The following UBN2 variants were observed in gnomAD, a reference collection of about 807,000 sequenced individuals.
The protein encoded by UBN2 is ubinuclein 2, also known as ubinuclein-2.
Under a neutral mutation model 120.2 loss-of-function variants are expected in UBN2, and 35 were observed. The ratio of observed to expected loss-of-function variants is 0.29; its 90% CI spans 0.22 to 0.39. The LOEUF (loss-of-function observed/expected upper bound fraction) is 0.39. Ranked by LOEUF, UBN2 falls within the 10% of genes least tolerant of loss-of-function variation. The probability of loss-of-function intolerance (pLI) is 1.00; values close to 1 mark genes in which losing one functional copy is unlikely to be tolerated. For synonymous variants in UBN2, 661 were observed against 648.7 expected (o/e 1.02, Z -0.29); for missense variants, 1,693 against 1,663.2 (o/e 1.02, Z -0.31).
At chr7:139,318,735 A>T in the UBN2 span, among the ~76,000 whole-genome samples, 1 of 152,058 alleles carries the variant, frequency 6.6e-6, no homozygotes, top group African/African-American at 2.4e-5. Flanking sequence ...AGAGGACTTG[A>T]TTTGCTTCTG....
At chr7:139,315,394 C>G in the UBN2 span, 4 of 152,210 alleles carry the variant, frequency 2.6e-5, no homozygotes, top group East Asian at 3.8e-4. Context: ...GAAGCAAGCA[C>G]TGATATAATG....
intron 1 of UBN2, 123 bp downstream of exon 1, chr7:139,232,075 C>T (rs1796036227): frequency 1.3e-5 from 11 of 877,778 alleles, no homozygotes; most frequent in Non-Finnish European, 1.8e-5. Flanking sequence ...GGGTGGGGTG[C>T]GGGGGGCCGG....
At chr7:139,277,492 A>G (rs1797480069) in intron 12 of UBN2, 1 of 152,270 alleles carries the variant, frequency 6.6e-6, no homozygotes, top group Non-Finnish European at 1.5e-5. Flanking sequence ...GAAAATCATA[A>G]GGAAGAGAAA....
In UBN2 at chr7:139,307,203, A is replaced by T. The variant is rs988974071; in HGVS notation, c.*9367A>T. Reference sequence around the variant, plus strand: ...GAGCCTAAAGAGTTGATGGTCCTCTAGGTGAAAGACAAGAATTACTGTATT... The same window carrying T: ...GAGCCTAAAGAGTTGATGGTCCTCTTGGTGAAAGACAAGAATTACTGTATT... On this transcript the variant is annotated 3_prime_UTR_variant, in exon 18 of 18. Coordinates refer to ENST00000473989, the MANE Select transcript of UBN2 (RefSeq NM_173569.4). The T allele has an allele frequency of 6.6e-6, 1 of 152,238 alleles. No homozygotes were observed. Among genetic ancestry groups the T allele is most frequent in the African/African-American group, 2.4e-5 (1 of 41,474 alleles). The allele number at this position is 152,238 out of a possible 1,614,324, so 9.4% of individuals were successfully genotyped here.
intron 2 of UBN2, among the ~76,000 whole-genome samples, chr7:139,250,811 AAC>A (rs544408346): frequency 5.7e-4 from 87 of 152,196 alleles, no homozygotes; most frequent in African/African-American, 2.0e-3. Context: ...TAATTATTAA[AAC>A]AAATACTTTT....
intron 8 of UBN2, among the ~76,000 whole-genome samples, chr7:139,270,766 C>CA (rs1446599035): frequency 1.3e-5 from 2 of 149,008 alleles, no homozygotes; most frequent in Non-Finnish European, 3.0e-5. Context: ...TTTTTTGAGA[C>CA]AGAGTTTCAC....
At chr7:139,259,694 G>A (rs1796872362) in intron 5 of UBN2, among the ~76,000 whole-genome samples, 1 of 152,216 alleles carries the variant, frequency 6.6e-6, no homozygotes, top group African/African-American at 2.4e-5. Context: ...CCTGGGGAAT[G>A]AGGATTGGCA....
intron 2 of UBN2, among the ~76,000 whole-genome samples, chr7:139,239,244 T>TG (rs1200633683): frequency 5.9e-5 from 9 of 152,180 alleles, no homozygotes; most frequent in South Asian, 2.1e-4. Context: ...TTAGTATATT[T>TG]GGGGGGGTCA....
At chr7:139,276,472 C>T (rs1212848159) in intron 12 of UBN2, 1 of 344,502 alleles carries the variant, frequency 2.9e-6, no homozygotes, top group Non-Finnish European at 5.4e-6. Flanking sequence ...CATTTGTAAT[C>T]TACAGCCCTC....
chr7:139,285,972 G>C (rs1485038017), intron 15 of UBN2, among the ~76,000 whole-genome samples: 3 of 152,090 alleles, frequency 2.0e-5, no homozygotes, highest in Admixed American at 2.0e-4. Flanking sequence ...CTGTTGCCAG[G>C]CTGGAGTGCA....
chr7:139,244,508 A>T (rs1328640391), intron 2 of UBN2, among the ~76,000 whole-genome samples: 1 of 151,138 alleles, frequency 6.6e-6, no homozygotes, highest in East Asian at 1.9e-4. Flanking sequence ...CCCATCTCTT[A>T]AAAAAAAAGT....
chr7:139,259,452 C>A (rs1796865999), intron 5 of UBN2, 82 bp downstream of exon 5: 1 of 1,537,520 alleles, frequency 6.5e-7, no homozygotes, highest in South Asian at 1.2e-5. Flanking sequence ...TTACCATTAA[C>A]TAATTCAACC....
intron 2 of UBN2, among the ~76,000 whole-genome samples, chr7:139,250,227 C>G (rs982551578): frequency 1.3e-5 from 2 of 151,948 alleles, no homozygotes; most frequent in African/African-American, 4.8e-5. Flanking sequence ...CAGAGCCAGA[C>G]CTTGTGTCAT....
At chr7:139,240,244 C>T (rs775552175) in intron 2 of UBN2, among the ~76,000 whole-genome samples, 12 of 151,440 alleles carry the variant, frequency 7.9e-5, no homozygotes, top group Non-Finnish European at 1.3e-4. Context: ...AACCAAAAAG[C>T]ATGCCCAAGT....
chr7:139,320,197 C>A, the UBN2 span, among the ~76,000 whole-genome samples: 1 of 152,124 alleles, frequency 6.6e-6, no homozygotes, highest in African/African-American at 2.4e-5. Context: ...CGTGATGGCT[C>A]ATGCCTGTAA....
At chr7:139,232,584 TTC>T (rs1236764267) in intron 1 of UBN2, among the ~76,000 whole-genome samples, 1 of 152,222 alleles carries the variant, frequency 6.6e-6, no homozygotes, top group East Asian at 1.9e-4. Context: ...TTACTAATTT[TTC>T]TCTCGTGTTG....
chr7:139,329,081 A>AT, the UBN2 span, among the ~76,000 whole-genome samples: 2,990 of 147,802 alleles, frequency 0.02, 45 homozygotes, highest in Non-Finnish European at 0.028. Context: ...TCCAATCTCT[A>AT]TTTTTTTTTT....
intron 2 of UBN2, among the ~76,000 whole-genome samples, chr7:139,238,510 A>C (rs901704666): frequency 1.3e-5 from 2 of 151,720 alleles, no homozygotes; most frequent in Admixed American, 1.3e-4. Context: ...TGTAACCTCC[A>C]CCTCCTGGGT....
chr7:139,266,131 C>CT (rs1488583799), intron 6 of UBN2, among the ~76,000 whole-genome samples: 1 of 147,510 alleles, frequency 6.8e-6, no homozygotes, highest in African/African-American at 2.5e-5. Flanking sequence ...TGGTACATAC[C>CT]TGTAATCCCA....
Sources: allele counts gnomAD v4.1 joint callset (sites outside exome capture counted in the v4.1 genomes callset), GRCh38; gene constraint gnomAD v4.1.1; transcripts MANE v1.5; gene names NCBI Gene and HGNC (gene_info 2026-07-23, HGNC 2026-07-21).